The following STON2 variants were observed in gnomAD, a reference collection of about 807,000 sequenced individuals.
The protein encoded by STON2 is stonin 2, also known as stonin-2.
STON2 carries 29 observed loss-of-function variants against 65.7 expected under a neutral mutation model. The observed-to-expected ratio is 0.44, with a 90% CI of 0.33 to 0.60. The LOEUF is 0.60. Ranked by LOEUF, STON2 falls within the 20% of genes least tolerant of loss-of-function variation. The probability of loss-of-function intolerance (pLI) is 0.03; values close to 1 mark genes in which losing one functional copy is unlikely to be tolerated. For synonymous variants in STON2, 404 were observed against 414.2 expected (o/e 0.98, Z 0.30); for missense variants, 1,054 against 1,118.1 (o/e 0.94, Z 0.82).
chr14:81,300,750 G>A (rs1895939393), intron 5 of STON2, among the ~76,000 whole-genome samples: 1 of 152,056 alleles, frequency 6.6e-6, no homozygotes, highest in African/African-American at 2.4e-5. Flanking sequence ...ATTTAAAAAT[G>A]GTTTGGCAGT....
In STON2 at chr14:81,265,648, T is replaced by C. The variant is rs921281062; in HGVS notation, c.*2766A>G. 3.8e-6 allele frequency: 1 copy of C among 264,940 alleles called. No homozygotes were observed. The highest frequency in any genetic ancestry group is 5.4e-5 in the African/African-American group (1 of 18,670). The allele number at this position is 264,940 out of a possible 1,614,324, so 16.4% of individuals were successfully genotyped here. ...CGACAAGAGCGAAACTTTGTCTCAGTAATAATAATAATAATAATAATAATA... is the reference window on the plus strand; with the variant it reads ...CGACAAGAGCGAAACTTTGTCTCAGCAATAATAATAATAATAATAATAATA... On this transcript the variant is annotated 3_prime_UTR_variant, in exon 8 of 8. Coordinates refer to ENST00000614646, the MANE Select transcript of STON2 (RefSeq NM_001394390.1).
At chr14:81,431,760 A>G (rs1389100947) in intron 1 of STON2, among the ~76,000 whole-genome samples, 3 of 151,634 alleles carry the variant, frequency 2.0e-5, no homozygotes, top group Non-Finnish European at 4.4e-5. Flanking sequence ...CTAGGCAACA[A>G]CAGCGAAACT....
chr14:81,311,749 A>C (rs983362403), intron 5 of STON2, among the ~76,000 whole-genome samples: 4 of 152,244 alleles, frequency 2.6e-5, no homozygotes, highest in African/African-American at 9.6e-5. Flanking sequence ...GTCTAGAAAG[A>C]AGCAGATCCC....
At chr14:81,403,906 T>C (rs763129990), upstream of STON2, among the ~76,000 whole-genome samples, 2 of 152,224 alleles carry the variant, frequency 1.3e-5, no homozygotes, top group Non-Finnish European at 2.9e-5. Flanking sequence ...GCTGATACTA[T>C]CTTAACTTAC....
intron 5 of STON2, among the ~76,000 whole-genome samples, chr14:81,296,223 G>A (rs931894683): frequency 3.9e-5 from 6 of 152,190 alleles, no homozygotes; most frequent in African/African-American, 1.2e-4. Context: ...TATATGCAAC[G>A]TCTGGCTGCC....
intron 4 of STON2, among the ~76,000 whole-genome samples, chr14:81,329,471 A>AG (rs1491261898): frequency 1.4e-4 from 20 of 146,172 alleles, no homozygotes; most frequent in African/African-American, 4.7e-4. Context: ...AAAAAAAAAA[A>AG]AGAGAGAGAC....
At chr14:81,274,636 C>A (rs1453713266) in intron 6 of STON2, among the ~76,000 whole-genome samples, 3 of 151,828 alleles carry the variant, frequency 2.0e-5, no homozygotes, top group African/African-American at 7.3e-5. Flanking sequence ...AGCCAAGTTG[C>A]AAAAGTACAA....
At chr14:81,321,892 C>T (rs189453309) in intron 5 of STON2, among the ~76,000 whole-genome samples, 2 of 152,298 alleles carry the variant, frequency 1.3e-5, no homozygotes, top group Non-Finnish European at 2.9e-5. Context: ...CTGGACCATA[C>T]AGGCGATCAA....
chr14:81,380,040 T>A (rs572341474), intron 3 of STON2, among the ~76,000 whole-genome samples: 2 of 152,120 alleles, frequency 1.3e-5, no homozygotes, highest in East Asian at 3.9e-4. Context: ...AAAGAAACTA[T>A]CAACGGAGTA....
intron 3 of STON2, among the ~76,000 whole-genome samples, chr14:81,382,122 G>A (rs1595422416): frequency 1.3e-5 from 2 of 152,244 alleles, no homozygotes; most frequent in East Asian, 3.9e-4. Flanking sequence ...AGAAGGCTGA[G>A]GCAGGAGAAT....
rs1894289549 is a variant in STON2 at position 81,264,719 on chromosome 14, G to A, written c.*3695C>T. The A allele has an allele frequency of 1.0e-6, 1 of 985,254 alleles. No individual in the cohort carries two copies. The highest frequency in any genetic ancestry group is 6.2e-5 in the Admixed American group (1 of 16,246). The allele number at this position is 985,254 out of a possible 1,614,324, so 61.0% of individuals were successfully genotyped here. A position where few individuals can be genotyped will look rare whatever the true frequency, so the allele number is the denominator to read the frequency against. On this transcript the variant is annotated 3_prime_UTR_variant, in exon 8 of 8. Transcript: ENST00000614646. ...ATGAACCCTGCCAATAATGCAGGAA[G>A]GCACAGTAAGGGAAGAGCCAAATAG...
At chr14:81,328,333 A>C (rs1385943677) in intron 4 of STON2, among the ~76,000 whole-genome samples, 1 of 152,202 alleles carries the variant, frequency 6.6e-6, no homozygotes, top group Non-Finnish European at 1.5e-5. Flanking sequence ...GCTTACATTT[A>C]ATTGGCTGTA....
At chr14:81,382,772 A>G (rs1899590233) in intron 3 of STON2, among the ~76,000 whole-genome samples, 1 of 152,232 alleles carries the variant, frequency 6.6e-6, no homozygotes, top group East Asian at 1.9e-4. Context: ...TAAGAAAGCT[A>G]TTTCACTTAA....
At chr14:81,399,428 T>C (rs979870940) in intron 1 of STON2, among the ~76,000 whole-genome samples, 11 of 152,212 alleles carry the variant, frequency 7.2e-5, no homozygotes, top group African/African-American at 2.7e-4. Context: ...ATTAACTAAA[T>C]ATACACAATA....
At chr14:81,291,094 C>T (rs61978891) in intron 5 of STON2, among the ~76,000 whole-genome samples, 15,816 of 151,774 alleles carry the variant, frequency 0.1, 918 homozygotes, top group African/African-American at 0.13. Context: ...ATCAATCCAA[C>T]AGAGAAAAAA....
In STON2 at chr14:81,277,287, A is replaced by C; in HGVS notation, c.2195T>G (p.Met732Arg). The C allele has an allele frequency of 6.2e-7, 1 of 1,614,218 alleles. No individual in the cohort carries two copies. The highest frequency in any genetic ancestry group is 1.1e-5 in the South Asian group (1 of 91,086). ...NPLDACRFEL[M>R]RFRTVFAEKT... is the part of the protein sequence containing the mutation. ...CTCAGCAAACACTGTCCTGAACCGC[A>C]TTAGCTCAAACCGGCACGCATCCAA... Residue 732 changes from methionine to arginine, a missense_variant, in exon 6 of 8, where the codon ATG becomes AGG. Met to Arg is a moderately conservative substitution (Grantham distance 91). Coordinates refer to ENST00000614646, the MANE Select transcript of STON2 (RefSeq NM_001394390.1).
intron 5 of STON2, among the ~76,000 whole-genome samples, chr14:81,287,924 T>G (rs1417795572): frequency 1.3e-5 from 2 of 152,118 alleles, no homozygotes; most frequent in Non-Finnish European, 2.9e-5. Context: ...ATTCTCCAAC[T>G]CAGCCTGGGC....
chr14:81,317,454 T>C (rs940214295), intron 5 of STON2, among the ~76,000 whole-genome samples: 3 of 152,240 alleles, frequency 2.0e-5, no homozygotes, highest in African/African-American at 7.2e-5. Flanking sequence ...TAAAATAAAG[T>C]GCTTTATTCT....
intron 5 of STON2, among the ~76,000 whole-genome samples, chr14:81,307,836 CA>C (rs1365758495): frequency 6.6e-6 from 1 of 152,124 alleles, no homozygotes; most frequent in Non-Finnish European, 1.5e-5. Flanking sequence ...ATATATAACA[CA>C]AAAAATATGT....
Sources: allele counts gnomAD v4.1 joint callset (sites outside exome capture counted in the v4.1 genomes callset), GRCh38; gene constraint gnomAD v4.1.1; transcripts MANE v1.5; gene names NCBI Gene and HGNC (gene_info 2026-07-23, HGNC 2026-07-21).